The following MCCC1 variants were observed in gnomAD, a reference collection of about 807,000 sequenced individuals.
The protein encoded by MCCC1 is methylcrotonoyl-CoA carboxylase subunit alpha, mitochondrial.
In MCCC1, 64 loss-of-function variants were observed where a neutral mutation model predicts 83.8. The observed-to-expected ratio is 0.76, with a 90% CI of 0.62 to 0.94. The LOEUF (loss-of-function observed/expected upper bound fraction) is 0.94. Among genes scored for constraint, MCCC1 ranks in the 40% least tolerant of loss-of-function variants. The probability of loss-of-function intolerance (pLI) is 0.00; values close to 1 mark genes in which losing one functional copy is unlikely to be tolerated. For missense variants in MCCC1, 807 were observed against 904.7 expected, an observed-to-expected ratio of 0.89 and a Z score of 1.39; for synonymous variants, 322 against 315.4, an observed-to-expected ratio of 1.02 and a Z score of -0.22.
intron 1 of MCCC1, among the ~76,000 whole-genome samples, chr3:183,108,897 T>G (rs1310617042): frequency 2.0e-5 from 3 of 152,232 alleles, no homozygotes; most frequent in African/African-American, 4.8e-5. Context: ...CAGCATCATA[T>G]GTATTGAAGG....
intron 3 of MCCC1, among the ~76,000 whole-genome samples, chr3:183,088,054 T>G (rs917210463): frequency 2.0e-5 from 3 of 151,770 alleles, no homozygotes; most frequent in African/African-American, 7.3e-5. Context: ...TGGAACACAA[T>G]GAGCAAGGGG....
At chr3:183,042,118 AT>A (rs201961767) in intron 10 of MCCC1, among the ~76,000 whole-genome samples, 1 of 152,066 alleles carries the variant, frequency 6.6e-6, no homozygotes, top group Non-Finnish European at 1.5e-5. Context: ...TCCCAAATCA[AT>A]TTTTTTTAAA....
At chr3:183,071,995 A>G (rs943747999) in intron 5 of MCCC1, among the ~76,000 whole-genome samples, 4 of 151,388 alleles carry the variant, frequency 2.6e-5, no homozygotes, top group Non-Finnish European at 4.4e-5. Context: ...CAGCCTCCCA[A>G]GATGCTGGAC....
intron 1 of MCCC1, among the ~76,000 whole-genome samples, chr3:183,111,830 C>A (rs990614576): frequency 5.3e-5 from 8 of 152,214 alleles, no homozygotes; most frequent in African/African-American, 1.9e-4. Context: ...ACACTCCCTA[C>A]ACTGTGCCAT....
At chr3:183,097,740 A>T (rs1718844074) in intron 1 of MCCC1, among the ~76,000 whole-genome samples, 1 of 152,216 alleles carries the variant, frequency 6.6e-6, no homozygotes, top group Non-Finnish European at 1.5e-5. Context: ...AACAACTCTA[A>T]CACTCTCCAG....
intron 4 of MCCC1, among the ~76,000 whole-genome samples, chr3:183,080,791 G>C (rs1205203105): frequency 2.0e-5 from 3 of 152,178 alleles, no homozygotes. Flanking sequence ...TCACAATCAT[G>C]GTGGAAAGGC....
chr3:183,025,719 A>G (rs1560207620), intron 15 of MCCC1, 36 bp downstream of exon 15: 1 of 1,589,450 alleles, frequency 6.3e-7, no homozygotes, highest in Admixed American at 1.7e-5. Flanking sequence ...GGTCAGATTC[A>G]GCTCTGCACT....
At chr3:183,046,307 C>T (rs1714552605) in intron 9 of MCCC1, among the ~76,000 whole-genome samples, 1 of 151,974 alleles carries the variant, frequency 6.6e-6, no homozygotes, top group South Asian at 2.1e-4. Context: ...TTGTAGTCTT[C>T]TGTGTTTCTG....
At chr3:183,072,295 GC>G in intron 5 of MCCC1, 70 bp downstream of exon 5, 11 of 1,552,414 alleles carry the variant, frequency 7.1e-6, no homozygotes, top group Non-Finnish European at 9.7e-6. Flanking sequence ...TACAGGCATA[GC>G]CACATGCCTG....
At chr3:183,109,272 G>T (rs902035445) in intron 1 of MCCC1, among the ~76,000 whole-genome samples, 1 of 152,102 alleles carries the variant, frequency 6.6e-6, no homozygotes, top group Non-Finnish European at 1.5e-5. Context: ...GATTACAGGC[G>T]TGAGCCACCG....
chr3:183,036,234 C>T (rs991223378), intron 13 of MCCC1, among the ~76,000 whole-genome samples: 1 of 151,980 alleles, frequency 6.6e-6, no homozygotes, highest in African/African-American at 2.4e-5. Flanking sequence ...TGTGTGGTAG[C>T]CAGGATGAAC....
In MCCC1 at chr3:183,038,794, C is replaced by T. The variant is rs573380575; in HGVS notation, c.1377+232G>A. 3.3e-5 allele frequency among the ~76,000 whole-genome samples: 5 copies of T among 152,340 alleles called. No individual in the cohort carries two copies. In the East Asian group the frequency reaches 9.6e-4, roughly 29 times the overall value. On this transcript the variant is annotated intron_variant, in intron 12 of 18. Coordinates refer to ENST00000265594, the MANE Select transcript of MCCC1 (RefSeq NM_020166.5). ...TGAATAGGATTTCACCGAAGCATAG[C>T]ACTGACACTAACAATTTTACTTCTG...
intron 14 of MCCC1, among the ~76,000 whole-genome samples, chr3:183,028,296 A>G (rs1210584750): frequency 1.3e-5 from 2 of 152,222 alleles, no homozygotes; most frequent in African/African-American, 2.4e-5. Flanking sequence ...AGATAAAAAG[A>G]TTCCTTTCAA....
intron 1 of MCCC1, among the ~76,000 whole-genome samples, chr3:183,096,761 C>T (rs116775721): frequency 6.6e-6 from 1 of 152,338 alleles, no homozygotes; most frequent in Non-Finnish European, 1.5e-5. Context: ...CTTTCCATTT[C>T]AGCTGATGTT....
chr3:183,086,132 C>T (rs922291036), intron 4 of MCCC1, among the ~76,000 whole-genome samples: 2 of 152,212 alleles, frequency 1.3e-5, no homozygotes, highest in African/African-American at 4.8e-5. Context: ...TCTGCTGAAA[C>T]GTCAAATGGA....
rs57408690 is a variant in MCCC1, at chr3:183,085,630, T to TAA, written c.369+1061_369+1062dup. 2.4e-3 allele frequency among the ~76,000 whole-genome samples: 247 copies of TAA among 103,244 alleles called. 1 individual carries two copies. The highest frequency in any genetic ancestry group is 8.2e-3 in the African/African-American group (224 of 27,210). The allele number at this position is 103,244 out of a possible 152,430, so 67.7% of individuals were successfully genotyped here. On this transcript the variant is annotated intron_variant, in intron 4 of 18. Transcript: ENST00000265594. ...GGCAACAGAGCAAAGACCCTGTCTT[T>TAA]AAAAAAAAAAAAAAAAAAAAAAAAG...
At chr3:183,036,537 C>CAT (rs746208111) in intron 13 of MCCC1, among the ~76,000 whole-genome samples, 2 of 117,682 alleles carry the variant, frequency 1.7e-5, no homozygotes, top group Non-Finnish European at 3.4e-5. Flanking sequence ...GATCCATTTC[C>CAT]TTTTTTTTTT....
intron 4 of MCCC1, among the ~76,000 whole-genome samples, chr3:183,085,630 TAAA>T (rs57408690): frequency 4.0e-4 from 41 of 103,270 alleles, no homozygotes; most frequent in East Asian, 5.8e-4. Context: ...ACCCTGTCTT[TAAA>T]AAAAAAAAAA....
intron 4 of MCCC1, among the ~76,000 whole-genome samples, chr3:183,074,817 C>A (rs543064909): frequency 4.7e-4 from 71 of 152,282 alleles, no homozygotes; most frequent in African/African-American, 1.7e-3. Flanking sequence ...GTTCGTCACC[C>A]AGGTATTAAG....
Sources: gnomAD v4.1 joint callset for allele counts (sites outside exome capture counted in the v4.1 genomes callset) on GRCh38, gnomAD v4.1.1 for gene constraint, MANE v1.5 for transcripts, NCBI Gene and HGNC (gene_info 2026-07-23, HGNC 2026-07-21) for gene names.